CA5A: variants seen among roughly 807,000 people sequenced by gnomAD.
CA5A encodes the protein carbonic anhydrase 5A, mitochondrial.
CA5A carries 28 observed loss-of-function variants against 37.1 expected under a neutral mutation model. The ratio of observed to expected loss-of-function variants is 0.75; its 90% CI spans 0.56 to 1.03. The LOEUF is 1.03. CA5A is among the 50% of genes least tolerant of loss of function. The pLI is 0.00. For synonymous variants in CA5A, 171 were observed against 158.4 expected (o/e 1.08, Z -0.60); for missense variants, 444 against 399.9 (o/e 1.11, Z -0.94).
intron 2 of CA5A, among the ~76,000 whole-genome samples, chr16:87,919,358 C>T (rs987025677): frequency 1.7e-4 from 26 of 152,190 alleles, no homozygotes; most frequent in Admixed American, 1.4e-3. Context: ...TTGCTCCAGG[C>T]GGGGTCACCC....
rs765197115 is a variant in CA5A, at chr16:87,891,841, G to C, written c.732C>G (p.Thr244=). Residue 244 remains threonine, a synonymous_variant, in exon 6 of 7, where the codon ACC becomes ACG. Transcript: ENST00000649794. The part of the protein sequence containing the change: ...LTTPPLTESV[T]WIIQKEPVEV... Reference sequence around the variant, plus strand: ...CAACGGGCTCCTTCTGGATGATCCAGGTGACCGACTCGGTCAGCGGCGGGG... The same window carrying C: ...CAACGGGCTCCTTCTGGATGATCCACGTGACCGACTCGGTCAGCGGCGGGG... The C allele has an allele frequency of 7.0e-6, 11 of 1,578,210 alleles. No homozygotes were observed. The highest frequency in any genetic ancestry group is 4.1e-5 in the African/African-American group (3 of 72,598).
chr16:87,922,527 C>A (rs1022432011), intron 2 of CA5A, among the ~76,000 whole-genome samples: 2 of 152,272 alleles, frequency 1.3e-5, no homozygotes, highest in Non-Finnish European at 1.5e-5. Flanking sequence ...CCTTAAAGCA[C>A]TGCAGGGATG....
intron 2 of CA5A, among the ~76,000 whole-genome samples, chr16:87,916,254 G>T (rs1166720115): frequency 6.6e-6 from 1 of 152,184 alleles, no homozygotes; most frequent in African/African-American, 2.4e-5. Flanking sequence ...GCTGAGGTGG[G>T]TGGATAGCTT....
chr16:87,932,887 C>G (rs554802148), intron 1 of CA5A, among the ~76,000 whole-genome samples: 3 of 152,354 alleles, frequency 2.0e-5, no homozygotes, highest in Non-Finnish European at 2.9e-5. Flanking sequence ...GCTTGGCCAC[C>G]TGGTGACCTG....
chr16:87,893,050 C>T lies in CA5A; in HGVS notation c.619-1096G>A, dbSNP rs550283849. 6.0e-4 allele frequency: 722 copies of T among 1,198,112 alleles called. 13 individuals are homozygous for T. Among genetic ancestry groups the T allele is most frequent in the Middle Eastern group, 2.6e-3 (9 of 3,484 alleles). The allele number at this position is 1,198,112 out of a possible 1,614,324, so 74.2% of individuals were successfully genotyped here. On this transcript the variant is annotated intron_variant, in intron 5 of 6. Transcript: ENST00000649794. ...AAGAATGTGCCCAACCTTCATGTCA[C>T]GAAGGCCATGCAGTCTCTCAAGCCC...
chr16:87,884,701 T>G (rs2055635189), downstream of CA5A: 1 of 151,938 alleles, frequency 6.6e-6, no homozygotes, highest in African/African-American at 2.4e-5. Flanking sequence ...GACATTGCAC[T>G]CTAGCCTGGG....
chr16:87,921,094 A>T lies in CA5A; in HGVS notation c.340+5654T>A, dbSNP rs182292667. ...AGGCGTGAGCCACTGCACCCGGCCA[A>T]TTTTTGTATTTTTTAGTAGAGATGG... On this transcript the variant is annotated intron_variant, in intron 2 of 6. Coordinates refer to ENST00000649794, the MANE Select transcript of CA5A (RefSeq NM_001739.2). 4.8e-3 allele frequency among the ~76,000 whole-genome samples: 727 copies of T among 151,662 alleles called. 5 individuals are homozygous for T. Among genetic ancestry groups the T allele is most frequent in the Middle Eastern group, 0.02 (6 of 294 alleles).
At chr16:87,906,833 T>A (rs183206500) in intron 2 of CA5A, among the ~76,000 whole-genome samples, 1 of 152,128 alleles carries the variant, frequency 6.6e-6, no homozygotes, top group Non-Finnish European at 1.5e-5. Flanking sequence ...TATGAGCAAA[T>A]CTTCTATTCT....
intron 5 of CA5A, among the ~76,000 whole-genome samples, chr16:87,895,802 C>G (rs2055793527): frequency 6.6e-6 from 1 of 152,136 alleles, no homozygotes; most frequent in African/African-American, 2.4e-5. Context: ...CAGCACGGCG[C>G]TTTTGAGGCT....
intron 2 of CA5A, among the ~76,000 whole-genome samples, chr16:87,905,863 C>A (rs923402042): frequency 6.6e-6 from 1 of 152,244 alleles, no homozygotes; most frequent in Non-Finnish European, 1.5e-5. Flanking sequence ...GTGCCAGGTG[C>A]AGCCTCCCAG....
Position 87,911,485 on chromosome 16 carries a change from T to C in CA5A, c.341-6581A>G, listed in dbSNP as rs1020072440. On this transcript the variant is annotated intron_variant, in intron 2 of 6. Transcript: ENST00000649794. This position sits in a 1 kb window ranked among gnomAD's most constrained non-coding sequence, Gnocchi z 4.6. ...CACGGGTTGTTTGAAGGCTTAAAAT[T>C]AGTACACGAGAAGTTTGAGATGTTC... Among the ~76,000 whole-genome samples, 4 of 152,170 alleles carry C rather than the reference T, an allele frequency of 2.6e-5. No individual in the cohort carries two copies. The highest frequency in any genetic ancestry group is 6.5e-5 in the Admixed American group (1 of 15,272).
At chr16:87,890,190 T>G (rs931919144) in intron 6 of CA5A, among the ~76,000 whole-genome samples, 2 of 152,256 alleles carry the variant, frequency 1.3e-5, no homozygotes, top group African/African-American at 2.4e-5. Flanking sequence ...GTTTCTACTT[T>G]CCTGCCATAC....
chr16:87,915,341 C>G (rs375477098), intron 2 of CA5A, among the ~76,000 whole-genome samples: 1 of 151,938 alleles, frequency 6.6e-6, no homozygotes. Context: ...ATTGAAAAAG[C>G]GATGTACCCA....
At chr16:87,883,355 A>C (rs2055624211), downstream of CA5A, 1 of 129,736 alleles carries the variant, frequency 7.7e-6, no homozygotes, top group Admixed American at 8.3e-5. Flanking sequence ...TTTGAGATGG[A>C]GTCTCACTCT....
At chr16:87,886,545 T>A (rs930205459), downstream of CA5A, 21 of 152,274 alleles carry the variant, frequency 1.4e-4, no homozygotes, top group African/African-American at 4.8e-4. Context: ...AAAAGATTCA[T>A]GGTTCCCCAT....
chr16:87,885,912 C>G (rs1412945403), downstream of CA5A: 3 of 152,198 alleles, frequency 2.0e-5, no homozygotes, highest in African/African-American at 7.2e-5. Flanking sequence ...AATGTGAGCT[C>G]CGAGGCAAAG....
chr16:87,892,751 G>A (rs1383679914), intron 5 of CA5A, among the ~76,000 whole-genome samples: 2 of 143,090 alleles, frequency 1.4e-5, no homozygotes, highest in African/African-American at 2.6e-5. Context: ...TTGGCTCACC[G>A]CAACCTCTGC....
intron 2 of CA5A, among the ~76,000 whole-genome samples, chr16:87,913,491 G>A (rs986722154): frequency 2.0e-5 from 3 of 152,098 alleles, no homozygotes; most frequent in Non-Finnish European, 4.4e-5. Context: ...AAGCCCGGAA[G>A]AATCCTGCAG....
intron 6 of CA5A, among the ~76,000 whole-genome samples, chr16:87,888,493 G>C (rs1597537773): frequency 6.6e-6 from 1 of 152,126 alleles, no homozygotes; most frequent in Non-Finnish European, 1.5e-5. Flanking sequence ...GGGGAAGCTG[G>C]TCGCCATATT....
Sources: gnomAD v4.1 joint callset for allele counts (sites outside exome capture counted in the v4.1 genomes callset) on GRCh38, gnomAD v4.1.1 for gene constraint, Gnocchi (gnomAD v3.1) non-coding constraint, MANE v1.5 for transcripts, NCBI Gene and HGNC (gene_info 2026-07-23, HGNC 2026-07-21) for gene names.